Variants in LRRC4C observed in about 807,000 individuals in gnomAD.
LRRC4C encodes the protein leucine-rich repeat-containing protein 4C.
Under a neutral mutation model 33.6 loss-of-function variants are expected in LRRC4C, and 5 were observed. That is an observed-to-expected ratio of 0.15 (90% CI 0.08 to 0.31). The LOEUF is 0.31. LRRC4C is among the 10% of genes least tolerant of loss of function. The pLI is 1.00. For synonymous variants in LRRC4C, 329 were observed against 302.0 expected (o/e 1.09, Z -0.93); for missense variants, 560 against 796.7 (o/e 0.70, Z 3.58).
chr11:41,034,164 T>G (rs973674806), intron 1 of LRRC4C, among the ~76,000 whole-genome samples: 25 of 152,178 alleles, frequency 1.6e-4, no homozygotes, highest in African/African-American at 5.5e-4. Context: ...AATGGATTAC[T>G]GTTGCTATCA....
At chr11:41,158,484 G>A (rs78221960) in intron 1 of LRRC4C, among the ~76,000 whole-genome samples, 2 of 152,018 alleles carry the variant, frequency 1.3e-5, no homozygotes, top group African/African-American at 2.4e-5. Flanking sequence ...AGGAATTCAC[G>A]GGTTACATAA....
chr11:40,474,382 C>T (rs907758213), intron 3 of LRRC4C, among the ~76,000 whole-genome samples: 4 of 152,106 alleles, frequency 2.6e-5, no homozygotes, highest in Admixed American at 1.3e-4. Context: ...TAGCCATATG[C>T]AGAAAACTGA....
intron 1 of LRRC4C, among the ~76,000 whole-genome samples, chr11:41,327,013 T>C (rs1330241993): frequency 2.6e-5 from 4 of 152,176 alleles, no homozygotes; most frequent in African/African-American, 9.7e-5. Flanking sequence ...AGTGGCTTTA[T>C]TGATGAGCCG....
chr11:40,960,403 T>C (rs1850894109), intron 1 of LRRC4C, among the ~76,000 whole-genome samples: 1 of 151,754 alleles, frequency 6.6e-6, no homozygotes, highest in East Asian at 1.9e-4. Flanking sequence ...CTTTTAATTG[T>C]TTTCCAGCTA....
intron 2 of LRRC4C, among the ~76,000 whole-genome samples, chr11:40,712,764 T>G (rs1003121897): frequency 1.3e-5 from 2 of 152,156 alleles, no homozygotes; most frequent in Non-Finnish European, 2.9e-5. Flanking sequence ...TAGAATAATA[T>G]ATATTGTAAT....
At chr11:41,023,457 A>G (rs749409338) in intron 1 of LRRC4C, among the ~76,000 whole-genome samples, 72 of 151,826 alleles carry the variant, frequency 4.7e-4, no homozygotes, top group Non-Finnish European at 8.4e-4. Flanking sequence ...CTAAATTATA[A>G]AAGTTGAAAA....
At chr11:41,253,068 C>A (rs1159889911) in intron 1 of LRRC4C, among the ~76,000 whole-genome samples, 1 of 152,114 alleles carries the variant, frequency 6.6e-6, no homozygotes, top group Non-Finnish European at 1.5e-5. Context: ...GACGATCATT[C>A]ACATGGCTAT....
chr11:40,320,819 A>G (rs909808188), intron 3 of LRRC4C, among the ~76,000 whole-genome samples: 1 of 152,206 alleles, frequency 6.6e-6, no homozygotes, highest in African/African-American at 2.4e-5. Context: ...ATGATCAGGA[A>G]GATTTTGTGG....
intron 1 of LRRC4C, among the ~76,000 whole-genome samples, chr11:41,206,576 A>C (rs1377271352): frequency 2.0e-5 from 3 of 152,194 alleles, no homozygotes; most frequent in African/African-American, 7.2e-5. Flanking sequence ...TTATTCTGCT[A>C]TTTTCAAATG....
chr11:40,461,894 G>A (rs887037366), intron 3 of LRRC4C, among the ~76,000 whole-genome samples: 1 of 151,588 alleles, frequency 6.6e-6, no homozygotes, highest in Non-Finnish European at 1.5e-5. Flanking sequence ...AATAAGCATA[G>A]TTATAAATTA....
chr11:40,421,802 C>T (rs926128620), intron 3 of LRRC4C, among the ~76,000 whole-genome samples: 11 of 152,126 alleles, frequency 7.2e-5, no homozygotes, highest in South Asian at 6.2e-4. Context: ...CCATAAAAAC[C>T]GACACTGAGA....
chr11:41,333,722 G>C (rs1258068242), intron 1 of LRRC4C, among the ~76,000 whole-genome samples: 1 of 152,104 alleles, frequency 6.6e-6, no homozygotes, highest in Non-Finnish European at 1.5e-5. Context: ...AGCATGGGTA[G>C]TAAAATCTGG....
intron 1 of LRRC4C, among the ~76,000 whole-genome samples, chr11:41,203,268 G>A (rs576989184): frequency 5.3e-4 from 80 of 152,116 alleles, no homozygotes; most frequent in Non-Finnish European, 1.0e-3. Context: ...GTTCTGTTGA[G>A]GGCCCTATAA....
chr11:41,416,323 TG>T (rs902861097), intron 1 of LRRC4C, among the ~76,000 whole-genome samples: 1 of 151,984 alleles, frequency 6.6e-6, no homozygotes, highest in Non-Finnish European at 1.5e-5. Context: ...TTATGTTGAG[TG>T]GTTCATCTAT....
At chr11:40,329,789 T>C (rs573926947) in intron 3 of LRRC4C, among the ~76,000 whole-genome samples, 25 of 147,492 alleles carry the variant, frequency 1.7e-4, no homozygotes, top group Non-Finnish European at 2.8e-4. Context: ...TCGCCCAGGC[T>C]GGAGTGCAGT....
Position 40,840,855 on chromosome 11 carries a change from T to A in LRRC4C, c.-407+92780A>T, listed in dbSNP as rs537677230. 1.1e-4 allele frequency among the ~76,000 whole-genome samples: 16 copies of A among 152,336 alleles called. No individual in the cohort carries two copies. In the East Asian group the frequency reaches 2.9e-3, roughly 28 times the overall value. On this transcript the variant is annotated intron_variant, in intron 2 of 6. Coordinates refer to ENST00000528697, the MANE Select transcript of LRRC4C (RefSeq NM_001258419.2). The stretch of plus-strand genomic sequence containing the variant: ...TTAATATTAGTTACTTTGTTCAACA[T>A]TATATGCTCTGGGAACCAAATGGAA...
intron 1 of LRRC4C, among the ~76,000 whole-genome samples, chr11:41,265,228 A>G (rs570120359): frequency 1.3e-5 from 2 of 152,288 alleles, no homozygotes; most frequent in Admixed American, 1.3e-4. Flanking sequence ...TCCAGTCCCA[A>G]TAATAACACT....
At chr11:41,235,128 T>G (rs1420203316) in intron 1 of LRRC4C, among the ~76,000 whole-genome samples, 1 of 152,046 alleles carries the variant, frequency 6.6e-6, no homozygotes, top group African/African-American at 2.4e-5. Context: ...TACTCCTTTT[T>G]TACTACCCCC....
intron 1 of LRRC4C, among the ~76,000 whole-genome samples, chr11:41,137,191 G>A (rs1483775648): frequency 6.6e-6 from 1 of 151,924 alleles, no homozygotes. Context: ...GCAGTGAGCT[G>A]AGATCATGCC....
Sources: gnomAD v4.1 joint callset for allele counts (sites outside exome capture counted in the v4.1 genomes callset) on GRCh38, gnomAD v4.1.1 for gene constraint, MANE v1.5 for transcripts, NCBI Gene and HGNC (gene_info 2026-07-23, HGNC 2026-07-21) for gene names.